The following PUDP variants were observed in gnomAD, a reference collection of about 807,000 sequenced individuals.
The protein encoded by PUDP is pseudouridine 5'-phosphatase.
Under a neutral mutation model 9.4 loss-of-function variants are expected in PUDP, and 8 were observed. The observed-to-expected ratio is 0.85, with a 90% confidence interval of 0.50 to 1.53. PUDP has a LOEUF of 1.53. Ranked by LOEUF, PUDP falls within the 40% of genes most tolerant of loss-of-function variation. The pLI, the probability that PUDP is intolerant of heterozygous loss-of-function variation, is 0.00. For missense variants in PUDP, 188 were observed against 189.7 expected (o/e 0.99, Z 0.05); for synonymous variants, 99 against 80.7 (o/e 1.23, Z -1.22).
intron 3 of PUDP, among the ~76,000 whole-genome samples, chrX:6,846,453 T>C (rs1926751265): frequency 9.2e-6 from 1 of 108,639 alleles, no homozygotes; most frequent in Non-Finnish European, 1.9e-5. Flanking sequence ...TGGATGTTTT[T>C]CCATCTCTCC....
intron 3 of PUDP, among the ~76,000 whole-genome samples, chrX:6,955,198 T>A (rs1301212628): frequency 9.1e-6 from 1 of 110,178 alleles, no homozygotes; most frequent in Non-Finnish European, 1.9e-5. Flanking sequence ...GAGACCTTTG[T>A]CCTCTTTTAA....
chrX:7,081,758 C>G (rs950409742), intron 2 of PUDP, among the ~76,000 whole-genome samples: 1 of 112,929 alleles, frequency 8.9e-6, no homozygotes, highest in Admixed American at 9.3e-5. Context: ...TGTCATCTGT[C>G]AAAGAGCAAT....
intron 1 of PUDP, among the ~76,000 whole-genome samples, chrX:6,984,883 A>T (rs974422391): frequency 8.9e-6 from 1 of 111,875 alleles, no homozygotes; most frequent in South Asian, 3.7e-4. Context: ...TAGGTGATTC[A>T]ATACCAACTG....
intron 3 of PUDP, among the ~76,000 whole-genome samples, chrX:6,878,997 A>C (rs946750396): frequency 8.9e-6 from 1 of 112,140 alleles, no homozygotes; most frequent in Non-Finnish European, 1.9e-5. Flanking sequence ...GCAGTAAAAA[A>C]TGGTATGAGG....
At chrX:6,913,649 A>C (rs987237869) in intron 3 of PUDP, among the ~76,000 whole-genome samples, 2 of 111,954 alleles carry the variant, frequency 1.8e-5, no homozygotes, top group Non-Finnish European at 3.8e-5. Flanking sequence ...TCTAAAAAAT[A>C]CATAAAATAC....
intron 1 of PUDP, among the ~76,000 whole-genome samples, chrX:7,040,097 C>T (rs1337695639): frequency 8.9e-6 from 1 of 112,108 alleles, no homozygotes; most frequent in Non-Finnish European, 1.9e-5. Flanking sequence ...ACTCTCTATC[C>T]AAACAAAGGC....
intron 1 of PUDP, among the ~76,000 whole-genome samples, chrX:7,041,649 T>A (rs988404050): frequency 8.9e-6 from 1 of 111,988 alleles, no homozygotes; most frequent in Non-Finnish European, 1.9e-5. Flanking sequence ...TTTGCATGAC[T>A]CCCTGCAAGC....
chrX:6,743,089 C>T (rs1051526398), intron 3 of PUDP, among the ~76,000 whole-genome samples: 9 of 112,022 alleles, frequency 8.0e-5, no homozygotes, highest in South Asian at 3.7e-4. Context: ...GAATACACAA[C>T]GGCTTCCTGT....
intron 2 of PUDP, chrX:7,085,301 A>C (rs1232373181): frequency 8.9e-6 from 1 of 112,638 alleles, no homozygotes; most frequent in Non-Finnish European, 1.9e-5. Context: ...TCTGAACAAC[A>C]CTGAGCTTTG....
Position 7,019,655 on chromosome X carries a change from C to T in PUDP, c.205-41312G>A, listed in dbSNP as rs184777217. On this transcript the variant is annotated intron_variant and NMD_transcript_variant, in intron 1 of 3. Coordinates refer to the PUDP transcript ENST00000655425. ...TAGCTTGGCCTCTTCTTCTCTTCCT[C>T]CCATAGCCTGTGTTGTCACAATGCA... 3.6e-5 allele frequency among the ~76,000 whole-genome samples: 4 copies of T among 111,796 alleles called. No individual in the cohort carries two copies. The East Asian group carries it at 1.1e-3, about 32-fold the overall frequency.
intron 3 of PUDP, among the ~76,000 whole-genome samples, chrX:6,841,071 G>A (rs1220103045): frequency 1.8e-5 from 2 of 111,279 alleles, no homozygotes; most frequent in African/African-American, 6.5e-5. Context: ...AAGGTCAGGA[G>A]TTCGAGACCA....
At chrX:6,848,798 A>T (rs951998712) in intron 3 of PUDP, among the ~76,000 whole-genome samples, 9 of 111,812 alleles carry the variant, frequency 8.0e-5, no homozygotes, top group African/African-American at 2.9e-4. Context: ...CACTCTCATC[A>T]TTTGATATGC....
At chrX:7,042,760 T>C (rs1024355823) in intron 1 of PUDP, among the ~76,000 whole-genome samples, 4 of 111,719 alleles carry the variant, frequency 3.6e-5, no homozygotes, top group African/African-American at 1.3e-4. Context: ...GATTTCACCT[T>C]CCATGCCATT....
intron 1 of PUDP, among the ~76,000 whole-genome samples, chrX:7,137,241 CAA>C (rs1224350168): frequency 1.2e-5 from 1 of 86,362 alleles, no homozygotes; most frequent in African/African-American, 4.3e-5. Context: ...GACTCCATCT[CAA>C]AAAAAAAAAA....
At chrX:7,023,513 A>G (rs936602415) in intron 1 of PUDP, among the ~76,000 whole-genome samples, 4 of 112,354 alleles carry the variant, frequency 3.6e-5, no homozygotes, top group African/African-American at 9.7e-5. Flanking sequence ...TAACATTAGG[A>G]TGCATGTATG....
rs868331870 is a variant in PUDP, at chrX:7,050,135, C to T, written c.*161G>A. The T allele has an allele frequency of 2.1e-5, 10 of 471,562 alleles. No homozygotes were observed. Among genetic ancestry groups the T allele is most frequent in the African/African-American group, 1.2e-4 (5 of 41,042 alleles). 38.9% of individuals were successfully genotyped at this position (471,562 alleles called of 1,213,427 possible). A position where few individuals can be genotyped will look rare whatever the true frequency, so the allele number is the denominator to read the frequency against. ...ACCGTCAAGTCACATTTTATCAACA[C>T]GTTAGACTGGGACAAACCAACATGG... is the stretch of plus-strand genomic sequence containing the variant. On this transcript the variant is annotated 3_prime_UTR_variant, in exon 4 of 4. Coordinates refer to ENST00000381077, the MANE Select transcript of PUDP (RefSeq NM_012080.5).
intron 3 of PUDP, among the ~76,000 whole-genome samples, chrX:6,789,101 C>A (rs1381979286): frequency 1.8e-5 from 2 of 110,896 alleles, no homozygotes; most frequent in Non-Finnish European, 3.8e-5. Context: ...ACCAGTCTGG[C>A]CAACATGGCA....
At chrX:6,876,691 A>G (rs1321659444) in intron 3 of PUDP, among the ~76,000 whole-genome samples, 1 of 107,841 alleles carries the variant, frequency 9.3e-6, no homozygotes, top group Non-Finnish European at 1.9e-5. Context: ...ACACATATGT[A>G]CATATATGTG....
chrX:6,864,397 G>A (rs770291335), intron 3 of PUDP, among the ~76,000 whole-genome samples: 18 of 111,978 alleles, frequency 1.6e-4, no homozygotes, highest in Admixed American at 4.7e-4. Context: ...ATAAAGAGTT[G>A]GTCTAGGTCC....
Sources: gnomAD v4.1 joint callset for allele counts (sites outside exome capture counted in the v4.1 genomes callset) on GRCh38, gnomAD v4.1.1 for gene constraint, MANE v1.5 for transcripts, NCBI Gene and HGNC (gene_info 2026-07-23, HGNC 2026-07-21) for gene names.